CUX2: variants seen among roughly 807,000 people sequenced by gnomAD.
CUX2 encodes cut like homeobox 2.
Under a neutral mutation model 144.8 loss-of-function variants are expected in CUX2, and 40 were observed. That is an observed-to-expected ratio of 0.28 (90% confidence interval 0.21 to 0.36). The LOEUF (loss-of-function observed/expected upper bound fraction) is 0.36. Among genes scored for constraint, CUX2 ranks in the 10% least tolerant of loss-of-function variants. The pLI is 1.00. For synonymous variants in CUX2, 827 were observed against 875.6 expected (o/e 0.94, Z 0.98); for missense variants, 1,615 against 1,994.0 (o/e 0.81, Z 3.62).
At chr12:111,188,772 C>T (rs143915875) in intron 1 of CUX2, among the ~76,000 whole-genome samples, 75 of 152,098 alleles carry the variant, frequency 4.9e-4, no homozygotes, top group African/African-American at 1.7e-3. Context: ...TTTTAGGCTG[C>T]GGAGCGGTAG....
At chr12:111,309,387 A>C (rs891427608) in intron 14 of CUX2, among the ~76,000 whole-genome samples, 1 of 151,860 alleles carries the variant, frequency 6.6e-6, no homozygotes, top group Non-Finnish European at 1.5e-5. Flanking sequence ...TCGACTTCCC[A>C]CCCCAGGCCA....
At chr12:111,200,519 G>C (rs903016258) in intron 1 of CUX2, among the ~76,000 whole-genome samples, 2 of 151,990 alleles carry the variant, frequency 1.3e-5, no homozygotes, top group East Asian at 3.9e-4. Context: ...TGGAGTGCTG[G>C]GGGGAGGCTA....
intron 1 of CUX2, among the ~76,000 whole-genome samples, chr12:111,118,623 G>T (rs1266597602): frequency 6.6e-6 from 1 of 152,080 alleles, no homozygotes; most frequent in South Asian, 2.1e-4. Flanking sequence ...CCTCCCAATG[G>T]ATCCAACTGG....
At position 111,178,495 on chromosome 12, in the gene CUX2, C is replaced by A. The variant is rs565444021; in HGVS notation, c.64-35705C>A. 6.6e-6 allele frequency among the ~76,000 whole-genome samples: 1 copy of A among 152,302 alleles called. No individual in the cohort carries two copies. Among genetic ancestry groups the A allele is most frequent in the African/African-American group, 2.4e-5 (1 of 41,550 alleles). On this transcript the variant is annotated intron_variant, in intron 1 of 21. Transcript: ENST00000261726. This position sits in a 1 kb window ranked among gnomAD's most constrained non-coding sequence, Gnocchi z 5.7. ...CTTATGACCCGGTCCAGCCACTCCC[C>A]CTCCCCCATTTAAAACACAGAACGT...
intron 1 of CUX2, among the ~76,000 whole-genome samples, chr12:111,156,141 A>G (rs1877359164): frequency 6.6e-6 from 1 of 152,104 alleles, no homozygotes; most frequent in South Asian, 2.1e-4. Context: ...TGTTTCTTTA[A>G]TCCCGGGGCA....
chr12:111,289,059 A>G lies in CUX2; in HGVS notation c.302-2359A>G, dbSNP rs553651881. ...CATAGCTTGAACATGGGAGGCAGAGATTGCAATGAGCTGAGATCACGCCAC... is the reference window on the plus strand; with the variant it reads ...CATAGCTTGAACATGGGAGGCAGAGGTTGCAATGAGCTGAGATCACGCCAC... On this transcript the variant is annotated intron_variant, in intron 4 of 21. Transcript: ENST00000261726. The surrounding 1 kb of genome is among the most constrained non-coding windows in gnomAD (Gnocchi z 4.1). 6.6e-6 allele frequency among the ~76,000 whole-genome samples: 1 copy of G among 152,004 alleles called. No individual in the cohort carries two copies. Among genetic ancestry groups the G allele is most frequent in the East Asian group, 1.9e-4 (1 of 5,176 alleles).
At position 111,348,239 on chromosome 12, in the gene CUX2, C is replaced by A; in HGVS notation, c.4375C>A (p.His1459Asn). 6.2e-7 allele frequency: 1 copy of A among 1,613,970 alleles called. No individual in the cohort carries two copies. Among genetic ancestry groups the A allele is most frequent in the African/African-American group, 1.3e-5 (1 of 75,014 alleles). The stretch of plus-strand genomic sequence containing the variant: ...GGTGAACCCCAACTTGCAGCGGCGG[C>A]ATGAGAAGATGGCCAATCTGAACAA... ...AKVNPNLQRRHEKMANLNNII... is the reference protein window; with the variant it reads ...AKVNPNLQRRNEKMANLNNII... The change falls in exon 22 of 22, where the codon CAT becomes AAT. Residue 1459 changes from histidine to asparagine, a missense_variant. By Grantham distance (68) the His-to-Asn change is moderately conservative. Coordinates refer to ENST00000261726, the MANE Select transcript of CUX2 (RefSeq NM_015267.4).
At chr12:111,243,259 T>G (rs1214482371) in intron 3 of CUX2, among the ~76,000 whole-genome samples, 1 of 152,220 alleles carries the variant, frequency 6.6e-6, no homozygotes, top group Non-Finnish European at 1.5e-5. Flanking sequence ...TAGATTATTT[T>G]GAAGAAAACT....
At chr12:111,317,288 T>C (rs1887245494) in intron 16 of CUX2, among the ~76,000 whole-genome samples, 1 of 152,168 alleles carries the variant, frequency 6.6e-6, no homozygotes, top group Non-Finnish European at 1.5e-5. Context: ...CATTTACTGG[T>C]TAATTGTCAT....
intron 1 of CUX2, among the ~76,000 whole-genome samples, chr12:111,151,521 CAG>C (rs1345923625): frequency 2.0e-5 from 3 of 152,184 alleles, no homozygotes; most frequent in East Asian, 1.9e-4. Flanking sequence ...ACAGCACTGA[CAG>C]GGAGAATTCG....
In CUX2 at chr12:111,104,067, G is replaced by A. The variant is rs75143536; in HGVS notation, c.63+69827G>A. On this transcript the variant is annotated intron_variant, in intron 1 of 21. Coordinates refer to ENST00000261726, the MANE Select transcript of CUX2 (RefSeq NM_015267.4). The stretch of plus-strand genomic sequence containing the variant: ...TAAACCTAACCTATTTGTGCTTTGA[G>A]TCCTGCCTAAGCGCCACGGCTACTA... Among the ~76,000 whole-genome samples the A allele has an allele frequency of 6.0e-3, 909 of 152,290 alleles. 6 individuals carry two copies. Among genetic ancestry groups the A allele is most frequent in the African/African-American group, 0.02 (843 of 41,568 alleles).
chr12:111,343,670 C>T lies in CUX2; in HGVS notation c.3659+1617C>T, dbSNP rs114606955. Among the ~76,000 whole-genome samples the T allele has an allele frequency of 2.5e-3, 382 of 152,326 alleles. 1 individual carries two copies. Among genetic ancestry groups the T allele is most frequent in the African/African-American group, 8.6e-3 (356 of 41,582 alleles). The stretch of plus-strand genomic sequence containing the variant: ...CCCCACAAGTCATTTTACTTCTCCA[C>T]GTCTCACCCTTATTTTACAGATGAG... On this transcript the variant is annotated intron_variant, in intron 21 of 21. Transcript: ENST00000261726.
In CUX2 at chr12:111,057,733, A is replaced by G. The variant is rs1870594238; in HGVS notation, c.63+23493A>G. 6.6e-6 allele frequency among the ~76,000 whole-genome samples: 1 copy of G among 152,154 alleles called. No individual in the cohort carries two copies. Among genetic ancestry groups the G allele is most frequent in the Non-Finnish European group, 1.5e-5 (1 of 68,026 alleles). ...TTCTTCAAATAAAAGCAGCTAATTA[A>G]CATTATTCTTTAATTATTGCCTTTA... On this transcript the variant is annotated intron_variant, in intron 1 of 21. Transcript: ENST00000261726. This position sits in a 1 kb window ranked among gnomAD's most constrained non-coding sequence, Gnocchi z 5.1.
At chr12:111,196,059 T>C (rs1019956215) in intron 1 of CUX2, among the ~76,000 whole-genome samples, 3 of 152,226 alleles carry the variant, frequency 2.0e-5, no homozygotes, top group Non-Finnish European at 4.4e-5. Flanking sequence ...ATCTATTTGC[T>C]GTATCCATAG....
chr12:111,195,032 C>G (rs1369028412), intron 1 of CUX2, among the ~76,000 whole-genome samples: 2 of 152,220 alleles, frequency 1.3e-5, no homozygotes, highest in African/African-American at 4.8e-5. Flanking sequence ...AAACTCCTAT[C>G]CCTTAAGCAG....
chr12:111,328,957 C>CTCTT (rs1430049288), intron 18 of CUX2, among the ~76,000 whole-genome samples: 1 of 99,416 alleles, frequency 1.0e-5, no homozygotes, highest in Non-Finnish European at 1.8e-5. Flanking sequence ...CTCTCTCTCT[C>CTCTT]TCTCTCTCTC....
intron 1 of CUX2, among the ~76,000 whole-genome samples, chr12:111,189,040 GA>G (rs1432600674): frequency 2.0e-5 from 3 of 152,158 alleles, no homozygotes; most frequent in Non-Finnish European, 4.4e-5. Flanking sequence ...AACACTTTGG[GA>G]GGCTGAGACG....
At chr12:111,109,281 T>C (rs1159185688) in intron 1 of CUX2, among the ~76,000 whole-genome samples, 1 of 152,250 alleles carries the variant, frequency 6.6e-6, no homozygotes, top group Non-Finnish European at 1.5e-5. Context: ...AAAGGGAAGA[T>C]AGATGCTTAA....
intron 1 of CUX2, among the ~76,000 whole-genome samples, chr12:111,042,269 C>T (rs990084745): frequency 1.3e-5 from 2 of 152,078 alleles, no homozygotes; most frequent in African/African-American, 4.8e-5. Context: ...GTGGGTGTTG[C>T]GGATCCGGAG....
Sources: gnomAD v4.1 joint callset for allele counts (sites outside exome capture counted in the v4.1 genomes callset) on GRCh38, gnomAD v4.1.1 for gene constraint, Gnocchi (gnomAD v3.1) non-coding constraint, MANE v1.5 for transcripts, NCBI Gene and HGNC (gene_info 2026-07-23, HGNC 2026-07-21) for gene names.